Variants in GRM1 observed in about 807,000 individuals in gnomAD.
The protein encoded by GRM1 is glutamate metabotropic receptor 1, also known as metabotropic glutamate receptor 1.
Under a neutral mutation model 90.9 loss-of-function variants are expected in GRM1, and 33 were observed. That is an observed-to-expected ratio of 0.36 (90% CI 0.28 to 0.49). The LOEUF is 0.49. GRM1 is among the 20% of genes least tolerant of loss of function. The pLI is 0.99. For synonymous variants in GRM1, 700 were observed against 613.2 expected, an observed-to-expected ratio of 1.14 and a Z score of -2.09; for missense variants, 1,190 against 1,534.3, an observed-to-expected ratio of 0.78 and a Z score of 3.75.
chr6:146,363,263 A>G (rs1183799533), intron 5 of GRM1, among the ~76,000 whole-genome samples: 1 of 152,198 alleles, frequency 6.6e-6, no homozygotes, highest in Admixed American at 6.5e-5. Context: ...GATTGGAGTT[A>G]GGGTCTCAGA....
chr6:146,130,906 T>C (rs185638621), intron 1 of GRM1, among the ~76,000 whole-genome samples: 2 of 152,252 alleles, frequency 1.3e-5, no homozygotes, highest in East Asian at 3.9e-4. Flanking sequence ...GTTAAGTAAT[T>C]CTTCTTAGTG....
intron 2 of GRM1, among the ~76,000 whole-genome samples, chr6:146,242,915 A>G (rs1320629954): frequency 6.6e-6 from 1 of 152,124 alleles, no homozygotes; most frequent in Non-Finnish European, 1.5e-5. Flanking sequence ...TCATGTTAGC[A>G]TTCTTTATCT....
In GRM1 at chr6:146,434,010, C is replaced by T. The variant is rs1420028452; in HGVS notation, c.2799C>T (p.Leu933=). ...ACNQTAVIKP[L]TKSYQGSGKS... ...ACCAAACAGCCGTCATCAAGCCCCT[C>T]ACTAAAAGTTACCAAGGCTCTGGCA... is the stretch of plus-strand genomic sequence containing the variant. The change falls in exon 8 of 8, where the codon CTC becomes CTT. Residue 933 remains leucine (L), a synonymous_variant. Coordinates refer to ENST00000282753, the MANE Select transcript of GRM1 (RefSeq NM_001278064.2). The T allele has an allele frequency of 6.2e-7, 1 of 1,614,148 alleles. No homozygotes were observed. Among genetic ancestry groups the T allele is most frequent in the Admixed American group, 1.7e-5 (1 of 60,030 alleles).
At chr6:146,201,833 T>G (rs1263380961) in intron 2 of GRM1, among the ~76,000 whole-genome samples, 1 of 152,214 alleles carries the variant, frequency 6.6e-6, no homozygotes, top group Non-Finnish European at 1.5e-5. Context: ...TAAGTGATTG[T>G]GCCACTTGTA....
intron 1 of GRM1, among the ~76,000 whole-genome samples, chr6:146,151,842 A>C (rs527450395): frequency 6.6e-6 from 1 of 152,146 alleles, no homozygotes; most frequent in Non-Finnish European, 1.5e-5. Context: ...TTATTCAAAT[A>C]ATAGGATTTC....
intron 1 of GRM1, among the ~76,000 whole-genome samples, chr6:146,123,307 G>C (rs1776069617): frequency 6.6e-6 from 1 of 152,220 alleles, no homozygotes. Flanking sequence ...CAGCGAAAGT[G>C]ATTACAATTC....
chr6:146,389,129 G>A (rs182729384), intron 6 of GRM1, among the ~76,000 whole-genome samples: 8 of 152,018 alleles, frequency 5.3e-5, no homozygotes, highest in Admixed American at 2.6e-4. Flanking sequence ...AAGTAGGTCC[G>A]CTTAGATGGC....
intron 2 of GRM1, among the ~76,000 whole-genome samples, chr6:146,175,563 T>C (rs1778309502): frequency 6.6e-6 from 1 of 152,208 alleles, no homozygotes; most frequent in Non-Finnish European, 1.5e-5. Context: ...CAGGAGTATT[T>C]TGCTCTACAG....
intron 5 of GRM1, among the ~76,000 whole-genome samples, chr6:146,371,582 T>C (rs1775903177): frequency 6.6e-6 from 1 of 152,076 alleles, no homozygotes; most frequent in Non-Finnish European, 1.5e-5. Flanking sequence ...ATTTCTTTTG[T>C]ACTCATTAAC....
At chr6:146,374,273 A>G (rs1003976374) in intron 5 of GRM1, among the ~76,000 whole-genome samples, 1 of 151,806 alleles carries the variant, frequency 6.6e-6, no homozygotes, top group Non-Finnish European at 1.5e-5. Flanking sequence ...GTTTGCTACT[A>G]TTTTGTCGAG....
intron 5 of GRM1, among the ~76,000 whole-genome samples, chr6:146,361,615 ACAT>A (rs536643148): frequency 2.2e-4 from 33 of 152,312 alleles, no homozygotes; most frequent in African/African-American, 7.5e-4. Flanking sequence ...TGATTTACAG[ACAT>A]CATTTCAATT....
intron 5 of GRM1, among the ~76,000 whole-genome samples, chr6:146,358,325 A>G (rs994657192): frequency 3.3e-5 from 5 of 152,348 alleles, no homozygotes; most frequent in Non-Finnish European, 7.3e-5. Flanking sequence ...GGTGTGCTAA[A>G]GAGGCTTCTT....
At chr6:146,119,149 G>C (rs1775881607) in intron 1 of GRM1, among the ~76,000 whole-genome samples, 1 of 152,156 alleles carries the variant, frequency 6.6e-6, no homozygotes, top group Non-Finnish European at 1.5e-5. Context: ...GGTGTGAGAT[G>C]GTATCTCATT....
At chr6:146,297,810 A>G (rs1783235672) in intron 2 of GRM1, among the ~76,000 whole-genome samples, 1 of 152,214 alleles carries the variant, frequency 6.6e-6, no homozygotes, top group Admixed American at 6.5e-5. Context: ...AATACAAGGG[A>G]GCAGCCCTGG....
chr6:146,057,151 G>A (rs1775509050), intron 1 of GRM1, among the ~76,000 whole-genome samples: 1 of 152,138 alleles, frequency 6.6e-6, no homozygotes, highest in Non-Finnish European at 1.5e-5. Flanking sequence ...GATACACAAT[G>A]CCATGTAATG....
chr6:146,297,507 A>T (rs1426254640), intron 2 of GRM1, among the ~76,000 whole-genome samples: 3 of 152,206 alleles, frequency 2.0e-5, no homozygotes, highest in Non-Finnish European at 2.9e-5. Flanking sequence ...TTAATGCAAA[A>T]CGTCAGGGGA....
At chr6:146,232,920 A>G (rs1035897398) in intron 2 of GRM1, among the ~76,000 whole-genome samples, 2 of 151,802 alleles carry the variant, frequency 1.3e-5, no homozygotes, top group Admixed American at 6.6e-5. Context: ...AGAGCTGTTC[A>G]TAGCATTCCT....
At chr6:146,149,598 T>C (rs538167558) in intron 1 of GRM1, among the ~76,000 whole-genome samples, 87 of 152,316 alleles carry the variant, frequency 5.7e-4, no homozygotes, top group African/African-American at 1.8e-3. Flanking sequence ...GAAAATACTT[T>C]AGGGTTATCC....
rs1021460830 is a variant in GRM1 at position 146,134,774 on chromosome 6, C to T, written c.701-24574C>T. Among the ~76,000 whole-genome samples the T allele has an allele frequency of 2.0e-5, 3 of 152,130 alleles. No individual in the cohort carries two copies. The East Asian group carries it at 5.8e-4, about 29-fold the overall frequency. On this transcript the variant is annotated intron_variant, in intron 1 of 7. Coordinates refer to ENST00000282753, the MANE Select transcript of GRM1 (RefSeq NM_001278064.2). ...TGAAACCCCGTCTCTACTAAAAATA[C>T]AAAAAATGTAGCTGGGTGTGGTGGC...
Sources: allele counts gnomAD v4.1 joint callset (sites outside exome capture counted in the v4.1 genomes callset), GRCh38; gene constraint gnomAD v4.1.1; transcripts MANE v1.5; gene names NCBI Gene and HGNC (gene_info 2026-07-23, HGNC 2026-07-21).